The following SEM1 variants were observed in gnomAD, a reference collection of about 807,000 sequenced individuals.
SEM1 encodes the protein SEM1 26S proteasome subunit.
SEM1 carries 3 observed loss-of-function variants against 12.7 expected under a neutral mutation model. The observed-to-expected ratio is 0.24, with a 90% CI of 0.11 to 0.61. The LOEUF (loss-of-function observed/expected upper bound fraction) is 0.61, where lower values mean the gene tolerates loss of function less well. SEM1 is among the 20% of genes least tolerant of loss of function. The pLI, the probability that SEM1 is intolerant of heterozygous loss-of-function variation, is 0.88. For missense variants in SEM1, 59 were observed against 81.3 expected, an observed-to-expected ratio of 0.73 and a Z score of 1.06; for synonymous variants, 30 against 27.8, an observed-to-expected ratio of 1.08 and a Z score of -0.25.
At chr7:96,700,321 C>T (rs1391928389) in intron 1 of SEM1, among the ~76,000 whole-genome samples, 1 of 152,162 alleles carries the variant, frequency 6.6e-6, no homozygotes, top group Admixed American at 6.5e-5. Context: ...CCAGAGTACA[C>T]AACCAGACAA....
At position 96,588,397 on chromosome 7, in the gene SEM1, C is replaced by T. The variant is rs762871364; in HGVS notation, c.171-81699G>A. On this transcript the variant is annotated intron_variant and NMD_transcript_variant, in intron 2 of 3. Transcript: ENST00000466986. ...ACACACACACACACACACACACACA[C>T]GAGAGAGAGAGAGAGAGAGAGAAGA... Among the ~76,000 whole-genome samples the T allele has an allele frequency of 1.1e-3, 77 of 72,260 alleles. 1 individual carries two copies. The highest frequency in any genetic ancestry group is 1.8e-3 in the Non-Finnish European group (62 of 33,604). The allele number at this position is 72,260 out of a possible 152,430, so 47.4% of individuals were successfully genotyped here. A position where few individuals can be genotyped will look rare whatever the true frequency, so the allele number is the denominator to read the frequency against.
intron 2 of SEM1, among the ~76,000 whole-genome samples, chr7:96,585,696 A>G (rs1214946354): frequency 6.6e-6 from 1 of 152,102 alleles, no homozygotes; most frequent in Non-Finnish European, 1.5e-5. Context: ...CCCGTCGGAA[A>G]AGTGCAGTAT....
chr7:96,599,518 A>T (rs949973227), intron 2 of SEM1, among the ~76,000 whole-genome samples: 2 of 152,218 alleles, frequency 1.3e-5, no homozygotes, highest in African/African-American at 4.8e-5. Context: ...GACTGGTATC[A>T]GGTTGTATTA....
intron 2 of SEM1, among the ~76,000 whole-genome samples, chr7:96,521,155 G>A (rs1192343037): frequency 1.3e-5 from 2 of 152,068 alleles, no homozygotes; most frequent in African/African-American, 4.8e-5. Context: ...AAAAAGGAGG[G>A]CCTGCAATCT....
At chr7:96,679,382 GT>G (rs780611152) in intron 2 of SEM1, among the ~76,000 whole-genome samples, 21 of 152,018 alleles carry the variant, frequency 1.4e-4, no homozygotes, top group Non-Finnish European at 2.5e-4. Flanking sequence ...GGGAGTCTTT[GT>G]TTTTGAGTAC....
At chr7:96,522,730 C>CGCT (rs1281137495) in intron 2 of SEM1, among the ~76,000 whole-genome samples, 2 of 125,096 alleles carry the variant, frequency 1.6e-5, no homozygotes, top group African/African-American at 5.5e-5. Context: ...ATACCCCCCC[C>CGCT]CCAAAAAAAA....
intron 2 of SEM1, among the ~76,000 whole-genome samples, chr7:96,546,155 A>G (rs4146263): frequency 0.55 from 83,164 of 151,916 alleles, 25,754 homozygotes; most frequent in Non-Finnish European, 0.69. Flanking sequence ...TCAATGAGGC[A>G]AATTCAGATA....
chr7:96,660,367 A>G (rs1788954994), intron 2 of SEM1, among the ~76,000 whole-genome samples: 1 of 152,170 alleles, frequency 6.6e-6, no homozygotes, highest in African/African-American at 2.4e-5. Context: ...ATTTCAACAC[A>G]TTTCTCTCAA....
intron 2 of SEM1, among the ~76,000 whole-genome samples, chr7:96,636,186 C>T (rs1462606879): frequency 1.3e-5 from 2 of 151,922 alleles, no homozygotes; most frequent in Non-Finnish European, 2.9e-5. Context: ...ATAAGAATGT[C>T]AAGGAAGATA....
chr7:96,508,103 G>A (rs867444646), intron 2 of SEM1, among the ~76,000 whole-genome samples: 2 of 152,032 alleles, frequency 1.3e-5, no homozygotes, highest in Non-Finnish European at 2.9e-5. Context: ...AGAGGGTAGT[G>A]TAGAAATGGG....
At chr7:96,482,742 A>G (rs1238255608) in exon 4 of SEM1, 1 of 152,230 alleles carries the variant, frequency 6.6e-6, no homozygotes, top group African/African-American at 2.4e-5. Context: ...TGGATATGGC[A>G]GAAATTAAAC....
At chr7:96,513,963 C>A (rs1271692736) in intron 2 of SEM1, among the ~76,000 whole-genome samples, 1 of 151,632 alleles carries the variant, frequency 6.6e-6, no homozygotes, top group East Asian at 1.9e-4. Context: ...TGGACATACT[C>A]CCATATCAAT....
chr7:96,523,579 TG>T (rs1804352400), intron 2 of SEM1, among the ~76,000 whole-genome samples: 1 of 152,136 alleles, frequency 6.6e-6, no homozygotes, highest in East Asian at 1.9e-4. Flanking sequence ...TTACAGCTTT[TG>T]TTGCGGTTCA....
At chr7:96,519,000 AAC>A (rs1165519523) in intron 2 of SEM1, among the ~76,000 whole-genome samples, 1 of 152,168 alleles carries the variant, frequency 6.6e-6, no homozygotes, top group Admixed American at 6.5e-5. Context: ...CATTCCATGT[AAC>A]ACACATGTGC....
downstream of SEM1, among the ~76,000 whole-genome samples, chr7:96,685,943 G>C (rs749015082): frequency 1.3e-5 from 2 of 152,016 alleles, no homozygotes; most frequent in East Asian, 3.9e-4. Context: ...GTCTAATTAT[G>C]AGTCAAACCT....
intron 2 of SEM1, among the ~76,000 whole-genome samples, chr7:96,611,065 C>T (rs1807525540): frequency 1.3e-5 from 2 of 152,174 alleles, no homozygotes; most frequent in African/African-American, 4.8e-5. Flanking sequence ...GTTGACACAA[C>T]ACCCAGACAA....
chr7:96,680,772 G>A (rs1789588037), intron 2 of SEM1, among the ~76,000 whole-genome samples: 1 of 152,082 alleles, frequency 6.6e-6, no homozygotes, highest in African/African-American at 2.4e-5. Flanking sequence ...ATTTATCCTT[G>A]TATCAACCTT....
chr7:96,592,349 A>C (rs1227613464), intron 2 of SEM1, among the ~76,000 whole-genome samples: 1 of 152,058 alleles, frequency 6.6e-6, no homozygotes, highest in Non-Finnish European at 1.5e-5. Flanking sequence ...CTTGCCCCCA[A>C]CTGAGACCAA....
At chr7:96,492,682 T>A (rs1475469821) in intron 1 of SEM1, among the ~76,000 whole-genome samples, 7 of 145,202 alleles carry the variant, frequency 4.8e-5, no homozygotes, top group African/African-American at 1.8e-4. Flanking sequence ...CCACCAGCCT[T>A]GGCCTCCCAA....
Sources: allele counts gnomAD v4.1 joint callset (sites outside exome capture counted in the v4.1 genomes callset), GRCh38; gene constraint gnomAD v4.1.1; transcripts MANE v1.5; gene names NCBI Gene and HGNC (gene_info 2026-07-23, HGNC 2026-07-21).